The following SLC4A4 variants were observed in gnomAD, a reference collection of about 807,000 sequenced individuals.
SLC4A4 encodes electrogenic sodium bicarbonate cotransporter 1.
In SLC4A4, 27 loss-of-function variants were observed where a neutral mutation model predicts 111.5. The observed-to-expected ratio is 0.24, with a 90% confidence interval of 0.18 to 0.33. The LOEUF is 0.33. Among genes scored for constraint, SLC4A4 ranks in the 10% least tolerant of loss-of-function variants. SLC4A4 has a pLI of 1.00. For missense variants in SLC4A4, 909 were observed against 1,315.5 expected (o/e 0.69, Z 4.78); for synonymous variants, 443 against 463.4 (o/e 0.96, Z 0.57).
intron 3 of SLC4A4, among the ~76,000 whole-genome samples, chr4:71,259,886 C>T (rs1721722740): frequency 6.6e-6 from 1 of 152,128 alleles, no homozygotes; most frequent in Non-Finnish European, 1.5e-5. Flanking sequence ...AACAGAACAT[C>T]GTGTTCAGCA....
intron 1 of SLC4A4, among the ~76,000 whole-genome samples, chr4:71,193,986 CA>C (rs1745873029): frequency 6.6e-6 from 1 of 152,074 alleles, no homozygotes. Flanking sequence ...AAACCCAAAC[CA>C]AAACAATATT....
chr4:71,531,877 G>A (rs1371097617), intron 16 of SLC4A4, among the ~76,000 whole-genome samples, 185 bp from the exon 17 acceptor site: 4 of 151,728 alleles, frequency 2.6e-5, no homozygotes, highest in African/African-American at 4.8e-5. Flanking sequence ...ATCTAGCCAG[G>A]TGATGTACTA....
chr4:71,238,601 C>T (rs1376699700), intron 2 of SLC4A4, among the ~76,000 whole-genome samples: 1 of 152,116 alleles, frequency 6.6e-6, no homozygotes, highest in Non-Finnish European at 1.5e-5. Context: ...ACATTTCTTC[C>T]AAGACATGCT....
chr4:71,440,854 G>A, intron 8 of SLC4A4, 81 bp downstream of exon 8: 2 of 1,488,448 alleles, frequency 1.3e-6, no homozygotes, highest in Non-Finnish European at 1.9e-6. Context: ...TCAATAGAAT[G>A]AGGAAATATT....
chr4:71,127,290 C>A (rs1484087906), intron 2 of SLC4A4, among the ~76,000 whole-genome samples: 2 of 151,988 alleles, frequency 1.3e-5, no homozygotes, highest in African/African-American at 4.8e-5. Context: ...TGAACTTAAG[C>A]TTCATGGCAA....
In SLC4A4 at chr4:71,528,260, C is replaced by G. The variant is rs148838630; in HGVS notation, c.2167-3802C>G. Among the ~76,000 whole-genome samples the G allele has an allele frequency of 2.7e-4, 41 of 152,156 alleles. No individual in the cohort carries two copies. In the East Asian group the frequency reaches 7.2e-3, roughly 27 times the overall value. On this transcript the variant is annotated intron_variant, in intron 16 of 25. Coordinates refer to ENST00000264485, the MANE Select transcript of SLC4A4 (RefSeq NM_001098484.3). Reference sequence around the variant, plus strand: ...GAGGTTTTTGAAGTTTAATGAGATACTCTTGAGAATATATGTTAATGCCAT... The same window carrying G: ...GAGGTTTTTGAAGTTTAATGAGATAGTCTTGAGAATATATGTTAATGCCAT...
chr4:71,542,151 C>T (rs1337490791), intron 18 of SLC4A4, among the ~76,000 whole-genome samples: 2 of 152,190 alleles, frequency 1.3e-5, no homozygotes, highest in Admixed American at 1.3e-4. Context: ...AATGTGTCTC[C>T]AGAGTTTAAT....
At chr4:71,098,166 T>G (rs916097130) in intron 2 of SLC4A4, among the ~76,000 whole-genome samples, 27 of 152,204 alleles carry the variant, frequency 1.8e-4, no homozygotes, top group African/African-American at 6.5e-4. Context: ...GTGTTTTACA[T>G]TTAAGTTTTT....
intron 3 of SLC4A4, among the ~76,000 whole-genome samples, chr4:71,285,789 A>G (rs1357003702): frequency 1.3e-5 from 2 of 152,192 alleles, no homozygotes; most frequent in Admixed American, 6.5e-5. Flanking sequence ...TTAAAATGTC[A>G]TCTAATCTGT....
intron 2 of SLC4A4, among the ~76,000 whole-genome samples, chr4:71,239,812 C>T (rs1720064254): frequency 6.6e-6 from 1 of 152,066 alleles, no homozygotes; most frequent in African/African-American, 2.4e-5. Flanking sequence ...CCACTGGTTA[C>T]CTTGTACTAT....
intron 3 of SLC4A4, among the ~76,000 whole-genome samples, chr4:71,264,642 C>T (rs1215967625): frequency 1.3e-5 from 2 of 152,062 alleles, no homozygotes; most frequent in African/African-American, 2.4e-5. Flanking sequence ...CACCCAGTAT[C>T]CAGAACACAT....
chr4:71,398,264 G>A (rs929248570), intron 7 of SLC4A4, among the ~76,000 whole-genome samples: 12 of 143,906 alleles, frequency 8.3e-5, no homozygotes, highest in Non-Finnish European at 1.6e-4. Flanking sequence ...CAACCTCAGT[G>A]ACAGAGCGAG....
intron 6 of SLC4A4, among the ~76,000 whole-genome samples, chr4:71,381,382 C>A (rs992878606): frequency 1.3e-5 from 2 of 152,082 alleles, no homozygotes; most frequent in Non-Finnish European, 2.9e-5. Flanking sequence ...GTGTCTAGAG[C>A]CTGTAAGAAA....
At chr4:71,546,633 G>T in intron 19 of SLC4A4, 105 bp downstream of exon 19, 1 of 965,080 alleles carries the variant, frequency 1.0e-6, no homozygotes, top group Non-Finnish European at 1.6e-6. Context: ...GGCTTGTGAT[G>T]ATTAATTTAT....
At chr4:71,422,834 A>G (rs1198374301) in intron 7 of SLC4A4, among the ~76,000 whole-genome samples, 1 of 152,212 alleles carries the variant, frequency 6.6e-6, no homozygotes, top group African/African-American at 2.4e-5. Flanking sequence ...GATGGGATGT[A>G]TTTCAAAATA....
rs539391460 is a variant in SLC4A4 at position 71,068,179 on chromosome 4, C to A, written c.-65+5391C>A. On this transcript the variant is annotated intron_variant, in intron 1 of 26. Coordinates refer to the SLC4A4 transcript ENST00000649996. ...TCTCAGGTTCAAGTGATTCTCCTGC[C>A]TCAGCCACCCGAGTAGCTGGGATTA... Among the ~76,000 whole-genome samples, 14 of 151,536 alleles carry A rather than the reference C, an allele frequency of 9.2e-5. No homozygotes were observed. In the South Asian group the frequency reaches 2.9e-3, roughly 32 times the overall value.
chr4:71,065,958 A>T (rs987257296), intron 1 of SLC4A4, among the ~76,000 whole-genome samples: 2 of 152,116 alleles, frequency 1.3e-5, no homozygotes, highest in African/African-American at 4.8e-5. Context: ...CAAGGGCAGG[A>T]GTTGTATATG....
intron 2 of SLC4A4, among the ~76,000 whole-genome samples, chr4:71,135,817 T>G (rs1028780192): frequency 6.6e-6 from 1 of 152,164 alleles, no homozygotes; most frequent in Non-Finnish European, 1.5e-5. Context: ...AGTGAGATCA[T>G]GTGGTATCTC....
At chr4:71,334,078 A>G (rs1350929907) in intron 3 of SLC4A4, among the ~76,000 whole-genome samples, 1 of 152,080 alleles carries the variant, frequency 6.6e-6, no homozygotes, top group African/African-American at 2.4e-5. Flanking sequence ...TTCATCCAGC[A>G]GGCACTTCTC....
Sources: gnomAD v4.1 joint callset for allele counts (sites outside exome capture counted in the v4.1 genomes callset) on GRCh38, gnomAD v4.1.1 for gene constraint, MANE v1.5 for transcripts, NCBI Gene and HGNC (gene_info 2026-07-23, HGNC 2026-07-21) for gene names.